Variants in PNPLA8 observed in about 807,000 individuals in gnomAD.
The protein encoded by PNPLA8 is calcium-independent phospholipase A2-gamma.
A neutral mutation model predicts 76.9 loss-of-function variants in PNPLA8; 39 were observed. The ratio of observed to expected loss-of-function variants is 0.51; its 90% CI spans 0.39 to 0.66. The LOEUF is 0.66. Ranked by LOEUF, PNPLA8 falls within the 30% of genes least tolerant of loss-of-function variation. The pLI, the probability that PNPLA8 is intolerant of heterozygous loss-of-function variation, is 0.00. For missense variants in PNPLA8, 887 were observed against 918.0 expected (o/e 0.97, Z 0.44); for synonymous variants, 301 against 307.9 (o/e 0.98, Z 0.24).
intron 4 of PNPLA8, among the ~76,000 whole-genome samples, chr7:108,505,336 ATATATATATATATATATTTTTTTTTTTTT>A (rs1563967989): frequency 2.5e-3 from 13 of 5,208 alleles, no homozygotes; most frequent in East Asian, 0.016. Flanking sequence ...ATATATATAT[ATATATATATATATATATTTTTTTTTTTTT>A]TTTTTTTTTT....
At position 108,515,010 on chromosome 7, in the gene PNPLA8, C is replaced by T; in HGVS notation, c.482G>A (p.Ser161Asn). ...AGGACTCTTTTCTGCTGATTTGTCA[C>T]TATATTTTTTCAGAGATTTGATGGC... ...KQAIKSLKKY[S>N]DKSAEKSPFP... The change falls in exon 3 of 11, where the codon AGT (serine) becomes AAT (asparagine). Residue 161 changes from serine (S) to asparagine (N), a missense_variant. By Grantham distance (46) the Ser-to-Asn change is conservative. Transcript: ENST00000257694. 2 of 1,607,680 alleles carry T rather than the reference C, an allele frequency of 1.2e-6. No homozygotes were observed. Among genetic ancestry groups the T allele is most frequent in the East Asian group, 2.2e-5 (1 of 44,842 alleles).
At position 108,516,743 on chromosome 7, in the gene PNPLA8, A is replaced by G. The variant is rs561043219; in HGVS notation, c.-83-1169T>C. Among the ~76,000 whole-genome samples the G allele has an allele frequency of 4.6e-5, 7 of 152,278 alleles. No homozygotes were observed. In the East Asian group the frequency reaches 1.4e-3, roughly 29 times the overall value. On this transcript the variant is annotated intron_variant, in intron 2 of 10. Coordinates refer to ENST00000257694, the MANE Select transcript of PNPLA8 (RefSeq NM_001256007.3). ...TGGTGAAACCCCATCTCTACCAAAAATACAAAAAATTAGCTAGGCATGGTG... is the reference window on the plus strand; with the variant it reads ...TGGTGAAACCCCATCTCTACCAAAAGTACAAAAAATTAGCTAGGCATGGTG...
chr7:108,516,243 A>G lies in PNPLA8; in HGVS notation c.-83-669T>C, dbSNP rs560788195. Among the ~76,000 whole-genome samples the G allele has an allele frequency of 3.3e-5, 5 of 152,374 alleles. No homozygotes were observed. In the South Asian group the frequency reaches 1.0e-3, roughly 32 times the overall value. ...AAGAAAAGAATAATCCAATTTAAAA[A>G]TGTGGTATTGGTAAAAGAAAAGACA... is the stretch of plus-strand genomic sequence containing the variant. On this transcript the variant is annotated intron_variant, in intron 2 of 10. Transcript: ENST00000257694.
intron 2 of PNPLA8, among the ~76,000 whole-genome samples, chr7:108,516,708 C>T (rs1863368793): frequency 6.6e-6 from 1 of 152,152 alleles, no homozygotes; most frequent in African/African-American, 2.4e-5. Context: ...CAAGACCAGC[C>T]TGGTCGGCAT....
At position 108,501,426 on chromosome 7, in the gene PNPLA8, C is replaced by T. The variant is rs552976762; in HGVS notation, c.1358+1065G>A. On this transcript the variant is annotated intron_variant, in intron 5 of 10. Coordinates refer to ENST00000257694, the MANE Select transcript of PNPLA8 (RefSeq NM_001256007.3). ...TCTTATATGGCACCAGAACTGGCAT[C>T]TCCAAGTGAAGACATCAGAAGTCAG... 9.2e-5 allele frequency among the ~76,000 whole-genome samples: 14 copies of T among 152,344 alleles called. No homozygotes were observed. In the South Asian group the frequency reaches 2.9e-3, roughly 32 times the overall value.
chr7:108,499,702 C>T (rs1861807978), intron 5 of PNPLA8, among the ~76,000 whole-genome samples: 1 of 152,190 alleles, frequency 6.6e-6, no homozygotes, highest in Non-Finnish European at 1.5e-5. Context: ...CTTTAGGGAG[C>T]AAAATCACCT....
At chr7:108,506,471 T>C (rs1198594190) in intron 4 of PNPLA8, among the ~76,000 whole-genome samples, 3 of 152,164 alleles carry the variant, frequency 2.0e-5, no homozygotes, top group Admixed American at 6.5e-5. Context: ...ACAAGCACTA[T>C]GCAAAACCAT....
chr7:108,515,499 A>G lies in PNPLA8; in HGVS notation c.-8T>C. On this transcript the variant is annotated 5_prime_UTR_variant, in exon 3 of 11. Transcript: ENST00000257694. The stretch of plus-strand genomic sequence containing the variant: ...AGTCAGATTAATAGACATAACTTAA[A>G]AATCATTTATTTTCTATGACATTCT... 7.2e-7 allele frequency: 1 copy of G among 1,392,630 alleles called. No homozygotes were observed. The highest frequency in any genetic ancestry group is 2.0e-5 in the South Asian group (1 of 50,018). The allele number at this position is 1,392,630 out of a possible 1,614,324, so 86.3% of individuals were successfully genotyped here.
Position 108,514,786 on chromosome 7 carries a change from G to A in PNPLA8, c.706C>T (p.Leu236Phe). Residue 236 changes from leucine (L) to phenylalanine (F), a missense_variant, in exon 3 of 11, where the codon CTT becomes TTT. Coordinates refer to ENST00000257694, the MANE Select transcript of PNPLA8 (RefSeq NM_001256007.3). ...ENEHFRDKSE[L>F]EDKKVEEGKL... is the part of the protein sequence containing the mutation. ...CCCTCTTCTACCTTTTTATCTTCAAGTTCTGATTTGTCCCGGAAATGTTCA... is the reference window on the plus strand; with the variant it reads ...CCCTCTTCTACCTTTTTATCTTCAAATTCTGATTTGTCCCGGAAATGTTCA... The A allele has an allele frequency of 1.2e-6, 2 of 1,613,096 alleles. No homozygotes were observed. Among genetic ancestry groups the A allele is most frequent in the South Asian group, 2.2e-5 (2 of 91,038 alleles).
At chr7:108,487,514 T>C (rs1461959657) in intron 9 of PNPLA8, among the ~76,000 whole-genome samples, 2 of 152,190 alleles carry the variant, frequency 1.3e-5, no homozygotes, top group Non-Finnish European at 2.9e-5. Flanking sequence ...CATAAAATTA[T>C]CATAATGGGC....
chr7:108,472,254 A>T lies in PNPLA8; in HGVS notation c.*147T>A. The T allele has an allele frequency of 1.7e-6, 1 of 588,828 alleles. No individual in the cohort carries two copies. Among genetic ancestry groups the T allele is most frequent in the Non-Finnish European group, 3.0e-6 (1 of 330,358 alleles). The allele number at this position is 588,828 out of a possible 1,614,324, so 36.5% of individuals were successfully genotyped here. A position where few individuals can be genotyped will look rare whatever the true frequency, so the allele number is the denominator to read the frequency against. ...ACCAAGAATATTCTCTGTGCTATGC[A>T]AGCTGGTTGAAGCACCGTCTTTTTC... On this transcript the variant is annotated 3_prime_UTR_variant, in exon 11 of 11. Coordinates refer to ENST00000257694, the MANE Select transcript of PNPLA8 (RefSeq NM_001256007.3).
intron 4 of PNPLA8, among the ~76,000 whole-genome samples, chr7:108,509,981 A>C (rs1039247726): frequency 1.5e-5 from 2 of 137,792 alleles, no homozygotes; most frequent in African/African-American, 5.5e-5. Context: ...GAACAATGAG[A>C]ACACACGGAC....
At chr7:108,472,979 G>A (rs1304125192) in intron 10 of PNPLA8, among the ~76,000 whole-genome samples, 1 of 151,596 alleles carries the variant, frequency 6.6e-6, no homozygotes, top group Non-Finnish European at 1.5e-5. Flanking sequence ...CTTTTTTTTG[G>A]GATCAACTTC....
At chr7:108,505,737 T>C (rs575221884) in intron 4 of PNPLA8, among the ~76,000 whole-genome samples, 2 of 152,162 alleles carry the variant, frequency 1.3e-5, no homozygotes, top group South Asian at 4.2e-4. Context: ...AAGAAAAGTA[T>C]TTATAAATTG....
Position 108,481,315 on chromosome 7 carries a change from G to A in PNPLA8, c.1879-1936C>T, listed in dbSNP as rs1408187582. 4.6e-5 allele frequency among the ~76,000 whole-genome samples: 7 copies of A among 152,254 alleles called. No homozygotes were observed. In the East Asian group the frequency reaches 5.8e-4, roughly 13 times the overall value. ...TTTTCAAAGTGGTTGTCCATTTTGC[G>A]TTCCCACCATCACTGTCTAAAAGTT... On this transcript the variant is annotated intron_variant, in intron 9 of 10. Coordinates refer to ENST00000257694, the MANE Select transcript of PNPLA8 (RefSeq NM_001256007.3).
intron 4 of PNPLA8, among the ~76,000 whole-genome samples, chr7:108,509,161 A>C (rs28871425): frequency 0.018 from 1,415 of 78,058 alleles, 13 homozygotes; most frequent in Middle Eastern, 0.031. Flanking sequence ...GCAACAAAAA[A>C]CAAAATTGAC....
chr7:108,472,995 C>T (rs2154514563), intron 10 of PNPLA8, among the ~76,000 whole-genome samples: 1 of 152,254 alleles, frequency 6.6e-6, no homozygotes, highest in South Asian at 2.1e-4. Context: ...ACTTCATTGA[C>T]ATATCATTTA....
intron 4 of PNPLA8, among the ~76,000 whole-genome samples, chr7:108,504,396 ATTAG>A (rs1297842677): frequency 6.7e-6 from 1 of 149,410 alleles, no homozygotes. Flanking sequence ...ATACCTATGA[ATTAG>A]TTAAATAAAA....
chr7:108,478,125 T>C (rs1399711875), intron 10 of PNPLA8, among the ~76,000 whole-genome samples: 2 of 152,064 alleles, frequency 1.3e-5, no homozygotes, highest in Non-Finnish European at 2.9e-5. Context: ...AAGAGTGAGA[T>C]GATAAGGAAA....
Sources: gnomAD v4.1 joint callset for allele counts (sites outside exome capture counted in the v4.1 genomes callset) on GRCh38, gnomAD v4.1.1 for gene constraint, MANE v1.5 for transcripts, NCBI Gene and HGNC (gene_info 2026-07-23, HGNC 2026-07-21) for gene names.